Variants in RBFOX1 observed in about 807,000 individuals in gnomAD.
RBFOX1 encodes the protein RNA binding fox-1 homolog 1.
A neutral mutation model predicts 57.7 loss-of-function variants in RBFOX1; 8 were observed. That is an observed-to-expected ratio of 0.14 (90% CI 0.08 to 0.25). RBFOX1 has a LOEUF of 0.25. RBFOX1 is among the 10% of genes least tolerant of loss of function. The probability of loss-of-function intolerance (pLI) is 1.00; values close to 1 mark genes in which losing one functional copy is unlikely to be tolerated. For missense variants in RBFOX1, 611 were observed against 548.5 expected, an observed-to-expected ratio of 1.11 and a Z score of -1.14; for synonymous variants, 326 against 222.4, an observed-to-expected ratio of 1.47 and a Z score of -4.15.
intron 2 of RBFOX1, among the ~76,000 whole-genome samples, chr16:6,504,821 C>T (rs551993410): frequency 5.3e-5 from 8 of 151,988 alleles, no homozygotes; most frequent in South Asian, 2.1e-4. Flanking sequence ...TTTGGGAGGC[C>T]GAGGTGGGTG....
At chr16:6,701,040 G>GC (rs1568273887) in intron 3 of RBFOX1, among the ~76,000 whole-genome samples, 1 of 152,018 alleles carries the variant, frequency 6.6e-6, no homozygotes. Context: ...GGCAGAGGGG[G>GC]GGGTGAGTCA....
intron 4 of RBFOX1, among the ~76,000 whole-genome samples, chr16:7,073,266 C>G (rs942365231): frequency 6.6e-6 from 1 of 152,078 alleles, no homozygotes; most frequent in Admixed American, 6.5e-5. Flanking sequence ...ACCTGCAAAG[C>G]CTAAAATTTC....
rs1395306093 is a variant in RBFOX1, at chr16:6,963,806, C to G, written c.-15-88251C>G. 5.3e-5 allele frequency among the ~76,000 whole-genome samples: 8 copies of G among 150,182 alleles called. 1 individual carries two copies. The highest frequency in any genetic ancestry group is 2.1e-4 in the South Asian group (1 of 4,718). On this transcript the variant is annotated intron_variant, in intron 3 of 15. Transcript: ENST00000550418. The stretch of plus-strand genomic sequence containing the variant: ...CTCCACCTCCCGGGTTCATGCCATT[C>G]TCCTGCCTCAGCCTCTCGAGTAGCT...
At chr16:7,071,838 G>T (rs1336519009) in intron 4 of RBFOX1, among the ~76,000 whole-genome samples, 4 of 151,826 alleles carry the variant, frequency 2.6e-5, no homozygotes, top group African/African-American at 4.8e-5. Flanking sequence ...CCATTAATCT[G>T]CTCTTCCTCC....
chr16:7,438,515 C>T (rs1444829568), intron 4 of RBFOX1, among the ~76,000 whole-genome samples: 3 of 152,206 alleles, frequency 2.0e-5, no homozygotes, highest in Non-Finnish European at 2.9e-5. Flanking sequence ...CCACGGACTC[C>T]AGCCTTCCTT....
At chr16:7,266,848 G>A (rs2095162525) in intron 4 of RBFOX1, among the ~76,000 whole-genome samples, 1 of 152,148 alleles carries the variant, frequency 6.6e-6, no homozygotes, top group Admixed American at 6.5e-5. Flanking sequence ...CTGTTTTCAG[G>A]GAAGGCCTGT....
At chr16:6,817,317 C>A (rs900302538) in intron 3 of RBFOX1, among the ~76,000 whole-genome samples, 3 of 152,096 alleles carry the variant, frequency 2.0e-5, no homozygotes, top group African/African-American at 4.8e-5. Flanking sequence ...AAGCCCCTCT[C>A]CCATGTACGA....
chr16:6,438,821 T>C (rs893306512), intron 2 of RBFOX1, among the ~76,000 whole-genome samples: 4 of 152,110 alleles, frequency 2.6e-5, no homozygotes, highest in African/African-American at 7.2e-5. Context: ...AAGTGTTTTT[T>C]CTGTGTGTGC....
At chr16:6,479,966 G>C in intron 2 of RBFOX1, among the ~76,000 whole-genome samples, 1 of 150,144 alleles carries the variant, frequency 6.7e-6, no homozygotes, top group East Asian at 2.0e-4. Flanking sequence ...CACAAGAATT[G>C]CTTAAACCCA....
chr16:6,602,412 G>A (rs1332143817), intron 2 of RBFOX1, among the ~76,000 whole-genome samples: 3 of 152,162 alleles, frequency 2.0e-5, no homozygotes, highest in Non-Finnish European at 4.4e-5. Flanking sequence ...GTTTGTCTGA[G>A]TATAGGATGG....
intron 11 of RBFOX1, 102 bp from the exon 12 acceptor site, chr16:7,653,713 G>A (rs1156530241): frequency 1.3e-6 from 2 of 1,534,572 alleles, no homozygotes; most frequent in Non-Finnish European, 1.8e-6. Flanking sequence ...GGTCCTGCTG[G>A]GACCCTGTGC....
At position 5,724,552 on chromosome 16, in the gene RBFOX1, A is replaced by G. The variant is rs11863579; in HGVS notation, c.318+125591A>G. Among the ~76,000 whole-genome samples the G allele has an allele frequency of 5.4e-3, 828 of 152,288 alleles. 4 individuals carry two copies. Among genetic ancestry groups the G allele is most frequent in the African/African-American group, 0.019 (781 of 41,548 alleles). On this transcript the variant is annotated intron_variant, in intron 3 of 19. Transcript: ENST00000641259. ...TGAGAGCTTAGGGAAGGCATCTGAC[A>G]TCTCTTCCCTCAAGCATAATCCTCA...
intron 3 of RBFOX1, among the ~76,000 whole-genome samples, chr16:6,750,806 T>G (rs761955962): frequency 3.3e-5 from 5 of 152,162 alleles, no homozygotes; most frequent in Non-Finnish European, 7.4e-5. Flanking sequence ...AAAACATAAA[T>G]AGTTAATAAC....
chr16:6,187,106 G>A (rs2097110117), intron 1 of RBFOX1, among the ~76,000 whole-genome samples: 1 of 152,138 alleles, frequency 6.6e-6, no homozygotes, highest in Non-Finnish European at 1.5e-5. Context: ...CTATATCAGA[G>A]AGACACTTTT....
intron 1 of RBFOX1, among the ~76,000 whole-genome samples, chr16:6,302,917 T>C (rs1027953382): frequency 6.6e-6 from 1 of 152,228 alleles, no homozygotes; most frequent in Non-Finnish European, 1.5e-5. Context: ...CTTTGAAAAG[T>C]AGCATAAATG....
At position 7,595,618 on chromosome 16, in the gene RBFOX1, G is replaced by C; in HGVS notation, c.538G>C (p.Val180Leu). The C allele has an allele frequency of 6.3e-7, 1 of 1,580,664 alleles. No homozygotes were observed. The highest frequency in any genetic ancestry group is 8.6e-7 in the Non-Finnish European group (1 of 1,161,778). The change falls in exon 8 of 16, where the codon GTG (valine) becomes CTG (leucine). Residue 180 changes from valine (V) to leucine (L), a missense_variant. Val to Leu is a conservative substitution (Grantham distance 32). Coordinates refer to ENST00000550418, the MANE Select transcript of RBFOX1 (RefSeq NM_018723.4). ...DRAREKLHGT[V>L]VEGRKIEVNN... ...GGCGAGGGAGAAATTACACGGCACCGTGGTAGAGGGCCGTAAAATCGAGGT... is the reference window on the plus strand; with the variant it reads ...GGCGAGGGAGAAATTACACGGCACCCTGGTAGAGGGCCGTAAAATCGAGGT...
At chr16:6,134,724 C>T (rs954139721) in intron 1 of RBFOX1, among the ~76,000 whole-genome samples, 1 of 149,184 alleles carries the variant, frequency 6.7e-6, no homozygotes, top group African/African-American at 2.5e-5. Context: ...GTCACCCAGG[C>T]TGGAGTGCAG....
rs114797872 is a variant in RBFOX1, at chr16:7,340,791, C to A, written c.28-177356C>A. Among the ~76,000 whole-genome samples, 1,489 of 152,284 alleles carry A rather than the reference C, an allele frequency of 9.8e-3. 28 individuals carry two copies. Among genetic ancestry groups the A allele is most frequent in the African/African-American group, 0.034 (1,405 of 41,558 alleles). On this transcript the variant is annotated intron_variant, in intron 4 of 15. Transcript: ENST00000550418. ...TGTCCTATTCTGTTTTATATAAATT[C>A]ACTTTTTTAAATTAAGAGATTAAAG...
intron 2 of RBFOX1, among the ~76,000 whole-genome samples, chr16:6,514,064 G>C (rs1461965352): frequency 6.6e-6 from 1 of 152,234 alleles, no homozygotes; most frequent in Non-Finnish European, 1.5e-5. Flanking sequence ...TGCTCTGTAA[G>C]TCCGTAGCCA....
Sources: gnomAD v4.1 joint callset for allele counts (sites outside exome capture counted in the v4.1 genomes callset) on GRCh38, gnomAD v4.1.1 for gene constraint, MANE v1.5 for transcripts, NCBI Gene and HGNC (gene_info 2026-07-23, HGNC 2026-07-21) for gene names.